Variants in PTPRG observed in about 807,000 individuals in gnomAD.
The protein encoded by PTPRG is receptor-type tyrosine-protein phosphatase gamma.
Under a neutral mutation model 165.3 loss-of-function variants are expected in PTPRG, and 102 were observed. The observed-to-expected ratio is 0.62, with a 90% CI of 0.53 to 0.73. The LOEUF (loss-of-function observed/expected upper bound fraction) is 0.73. PTPRG is among the 30% of genes least tolerant of loss of function. The probability of loss-of-function intolerance (pLI) is 0.00; values close to 1 mark genes in which losing one functional copy is unlikely to be tolerated. For missense variants in PTPRG, 1,866 were observed against 1,861.4 expected, an observed-to-expected ratio of 1.00 and a Z score of -0.05; for synonymous variants, 675 against 669.5, an observed-to-expected ratio of 1.01 and a Z score of -0.13.
intron 4 of PTPRG, among the ~76,000 whole-genome samples, chr3:62,072,475 G>A (rs1701239873): frequency 1.3e-5 from 2 of 152,110 alleles, no homozygotes; most frequent in South Asian, 4.1e-4. Context: ...TGATCCATTT[G>A]GGCTAATGAC....
intron 28 of PTPRG, among the ~76,000 whole-genome samples, chr3:62,283,980 A>G (rs975172451): frequency 6.6e-6 from 1 of 152,146 alleles, no homozygotes; most frequent in Non-Finnish European, 1.5e-5. Flanking sequence ...CAGTGTTTAA[A>G]TAGCACAGAC....
chr3:61,958,159 C>G (rs936501404), intron 2 of PTPRG, among the ~76,000 whole-genome samples: 6 of 151,776 alleles, frequency 4.0e-5, no homozygotes, highest in African/African-American at 1.2e-4. Context: ...CAGACTCTTA[C>G]TCTGTTGCCC....
chr3:62,020,126 A>C (rs6445249), intron 4 of PTPRG, among the ~76,000 whole-genome samples: 43,058 of 152,040 alleles, frequency 0.28, 6,245 homozygotes, highest in East Asian at 0.35. Context: ...TACTTGGCAG[A>C]GGGTAGGGGG....
chr3:61,887,170 A>ATATATTTTTTTTTTTT (rs60282456), intron 2 of PTPRG, among the ~76,000 whole-genome samples: 3 of 115,524 alleles, frequency 2.6e-5, no homozygotes, highest in African/African-American at 9.8e-5. Context: ...ATATATATAT[A>ATATATTTTTTTTTTTT]TTTTTAATGC....
chr3:61,798,909 TAC>T (rs2035146205), intron 2 of PTPRG, among the ~76,000 whole-genome samples: 1 of 152,120 alleles, frequency 6.6e-6, no homozygotes, highest in African/African-American at 2.4e-5. Flanking sequence ...AGCTGTGCGG[TAC>T]AGAGCCAGCC....
chr3:62,262,739 G>A (rs549013436), intron 16 of PTPRG, 59 bp from the exon 17 acceptor site: 874 of 1,324,306 alleles, frequency 6.6e-4, no homozygotes, highest in Non-Finnish European at 8.6e-4. Flanking sequence ...GCCTTTAAAT[G>A]TATATGGTGT....
chr3:61,644,615 T>C (rs1175199840), intron 1 of PTPRG, among the ~76,000 whole-genome samples: 1 of 152,216 alleles, frequency 6.6e-6, no homozygotes, highest in Non-Finnish European at 1.5e-5. Flanking sequence ...TCCATCTCTA[T>C]CCGAAATAGG....
intron 2 of PTPRG, among the ~76,000 whole-genome samples, chr3:61,830,419 C>G (rs2036246986): frequency 1.4e-5 from 2 of 139,732 alleles, no homozygotes; most frequent in Admixed American, 7.2e-5. Flanking sequence ...CTCCAACTGT[C>G]TGTCTATAGA....
intron 2 of PTPRG, among the ~76,000 whole-genome samples, chr3:61,864,886 A>G (rs2037363469): frequency 6.6e-6 from 1 of 152,150 alleles, no homozygotes; most frequent in South Asian, 2.1e-4. Flanking sequence ...CCCCACTTCT[A>G]TTTAAATGGT....
intron 2 of PTPRG, among the ~76,000 whole-genome samples, chr3:61,809,314 T>G (rs1269012616): frequency 6.6e-6 from 1 of 152,042 alleles, no homozygotes. Flanking sequence ...AAAGATGCAC[T>G]CTTTTTTCAG....
intron 17 of PTPRG, 57 bp from the exon 18 acceptor site, chr3:62,267,353 G>T (rs1701912398): frequency 7.1e-6 from 9 of 1,274,132 alleles, no homozygotes; most frequent in Non-Finnish European, 1.0e-5. Context: ...GCTTTAGAAT[G>T]GTGCTAGTTT....
intron 2 of PTPRG, among the ~76,000 whole-genome samples, chr3:61,987,014 G>T (rs1167480929): frequency 6.6e-6 from 1 of 152,020 alleles, no homozygotes; most frequent in Non-Finnish European, 1.5e-5. Context: ...ATGATTAATG[G>T]TATAATTCTC....
intron 2 of PTPRG, among the ~76,000 whole-genome samples, chr3:61,791,452 T>C (rs1010886418): frequency 2.0e-5 from 3 of 152,184 alleles, no homozygotes; most frequent in African/African-American, 7.2e-5. Flanking sequence ...GGGTACGTAT[T>C]TGTAACTGTT....
chr3:61,802,136 C>T (rs1369971548), intron 2 of PTPRG, among the ~76,000 whole-genome samples: 1 of 151,980 alleles, frequency 6.6e-6, no homozygotes, highest in Admixed American at 6.6e-5. Flanking sequence ...TGCACCCTAC[C>T]CTACAGTCTG....
At chr3:61,730,546 AGTTT>A (rs1209719665) in intron 1 of PTPRG, among the ~76,000 whole-genome samples, 1 of 152,186 alleles carries the variant, frequency 6.6e-6, no homozygotes, top group Non-Finnish European at 1.5e-5. Flanking sequence ...TGATCACAGG[AGTTT>A]GTTAAAAATA....
At chr3:61,816,644 AAAAATCCCAATGGCTACATGTATTC>A (rs1478190966) in intron 2 of PTPRG, among the ~76,000 whole-genome samples, 3 of 152,142 alleles carry the variant, frequency 2.0e-5, no homozygotes, top group Non-Finnish European at 4.4e-5. Context: ...TCTCCCACAG[AAAAATCCCAATGGCTACATGTATTC>A]AAATTGTTTA....
intron 2 of PTPRG, among the ~76,000 whole-genome samples, chr3:61,759,799 GT>G (rs74970726): frequency 8.6e-4 from 126 of 145,878 alleles, no homozygotes; most frequent in Admixed American, 2.1e-3. Flanking sequence ...TCTTCTTGAG[GT>G]TTTTTTTTTT....
At chr3:61,875,661 C>G (rs1473879856) in intron 2 of PTPRG, among the ~76,000 whole-genome samples, 1 of 151,826 alleles carries the variant, frequency 6.6e-6, no homozygotes, top group African/African-American at 2.4e-5. Flanking sequence ...ACACACGGCA[C>G]ACACACACAC....
At chr3:62,143,645 T>A (rs1031024473) in intron 6 of PTPRG, among the ~76,000 whole-genome samples, 1 of 152,074 alleles carries the variant, frequency 6.6e-6, no homozygotes, top group Non-Finnish European at 1.5e-5. Flanking sequence ...CGTTGAACCT[T>A]TGGAATGAGC....
Sources: gnomAD v4.1 joint callset for allele counts (sites outside exome capture counted in the v4.1 genomes callset) on GRCh38, gnomAD v4.1.1 for gene constraint, MANE v1.5 for transcripts, NCBI Gene and HGNC (gene_info 2026-07-23, HGNC 2026-07-21) for gene names.